The following SMARCC1 variants were observed in gnomAD, a reference collection of about 807,000 sequenced individuals.
SMARCC1 encodes SWI/SNF related BAF chromatin remodeling complex subunit C1.
SMARCC1 carries 43 observed loss-of-function variants against 147.4 expected under a neutral mutation model. That is an observed-to-expected ratio of 0.29 (90% CI 0.23 to 0.38). The LOEUF (loss-of-function observed/expected upper bound fraction) is 0.38. Ranked by LOEUF, SMARCC1 falls within the 10% of genes least tolerant of loss-of-function variation. SMARCC1 has a pLI of 1.00. For missense variants in SMARCC1, 1,119 were observed against 1,381.1 expected (o/e 0.81, Z 3.01); for synonymous variants, 495 against 484.4 (o/e 1.02, Z -0.29).
chr3:47,717,727 T>G (rs1184371154), intron 7 of SMARCC1, among the ~76,000 whole-genome samples: 1 of 151,960 alleles, frequency 6.6e-6, no homozygotes, highest in Non-Finnish European at 1.5e-5. Context: ...TCATCATGAC[T>G]GGCTAATTTT....
In SMARCC1 at chr3:47,588,322, A is replaced by T. The variant is rs746025509; in HGVS notation, c.3221-16T>A. 4 of 1,608,062 alleles carry T rather than the reference A, an allele frequency of 2.5e-6. No homozygotes were observed. The South Asian group carries it at 4.4e-5, about 18-fold the overall frequency. ...GGAGGGGGATCTGCAAACATATCCAAGAGTAACTCGTTATTGCTGGAAATA... is the reference window on the plus strand; with the variant it reads ...GGAGGGGGATCTGCAAACATATCCATGAGTAACTCGTTATTGCTGGAAATA... On this transcript the variant is annotated splice_polypyrimidine_tract_variant and intron_variant, in intron 27 of 27. Transcript: ENST00000254480.
intron 26 of SMARCC1, among the ~76,000 whole-genome samples, chr3:47,595,508 C>A (rs1230306173): frequency 6.6e-6 from 1 of 150,584 alleles, no homozygotes; most frequent in African/African-American, 2.4e-5. Flanking sequence ...GCCTGGGCAA[C>A]AAGAGTGAAA....
At chr3:47,712,551 A>AC (rs2034099567) in intron 8 of SMARCC1, among the ~76,000 whole-genome samples, 1 of 152,176 alleles carries the variant, frequency 6.6e-6, no homozygotes, top group Non-Finnish European at 1.5e-5. Flanking sequence ...CACTATGCTG[A>AC]ACATCTTACA....
At chr3:47,704,195 A>G in intron 10 of SMARCC1, among the ~76,000 whole-genome samples, 1 of 152,314 alleles carries the variant, frequency 6.6e-6, no homozygotes, top group East Asian at 1.9e-4. Flanking sequence ...TGATTTTTTT[A>G]AAAGCCTATA....
intron 26 of SMARCC1, among the ~76,000 whole-genome samples, chr3:47,609,610 T>C (rs2106668379): frequency 6.6e-6 from 1 of 152,344 alleles, no homozygotes; most frequent in South Asian, 2.1e-4. Context: ...ATTTTGAAGC[T>C]GTCCAATAGG....
At chr3:47,727,324 C>T (rs1299183443) in intron 6 of SMARCC1, among the ~76,000 whole-genome samples, 2 of 151,510 alleles carry the variant, frequency 1.3e-5, no homozygotes, top group East Asian at 1.9e-4. Flanking sequence ...CTGGCCAAGA[C>T]GGTGAAACCC....
At chr3:47,662,284 G>A (rs1483452274) in intron 20 of SMARCC1, 50 bp downstream of exon 20, 1 of 1,522,588 alleles carries the variant, frequency 6.6e-7, no homozygotes, top group South Asian at 1.2e-5. Context: ...TATTTAAATT[G>A]GGATAAACTG....
At chr3:47,713,022 T>G (rs748418430) in intron 8 of SMARCC1, among the ~76,000 whole-genome samples, 46 of 152,180 alleles carry the variant, frequency 3.0e-4, no homozygotes, top group Non-Finnish European at 4.9e-4. Flanking sequence ...CCAAAAATAG[T>G]TAAAAACAGA....
intron 21 of SMARCC1, among the ~76,000 whole-genome samples, chr3:47,645,095 CA>C (rs1459961125): frequency 3.3e-5 from 5 of 152,014 alleles, no homozygotes; most frequent in African/African-American, 1.2e-4. Context: ...GAACAGCCTG[CA>C]TAACAAAGTG....
At chr3:47,613,657 C>A (rs1446054664) in intron 25 of SMARCC1, among the ~76,000 whole-genome samples, 1 of 152,126 alleles carries the variant, frequency 6.6e-6, no homozygotes, top group Non-Finnish European at 1.5e-5. Flanking sequence ...CTGGCCAGAA[C>A]TTTTTATTTA....
intron 26 of SMARCC1, among the ~76,000 whole-genome samples, chr3:47,602,021 G>C (rs1022137467): frequency 6.6e-6 from 1 of 151,956 alleles, no homozygotes; most frequent in African/African-American, 2.4e-5. Flanking sequence ...TTTCTTTTTC[G>C]GTGTGGGGTT....
intron 21 of SMARCC1, among the ~76,000 whole-genome samples, chr3:47,641,887 T>C (rs1341678112): frequency 6.6e-6 from 1 of 152,212 alleles, no homozygotes; most frequent in Non-Finnish European, 1.5e-5. Flanking sequence ...TCCACCCGCC[T>C]CAGCCTCTTG....
At chr3:47,729,711 T>C (rs548969858) in intron 5 of SMARCC1, among the ~76,000 whole-genome samples, 1 of 152,296 alleles carries the variant, frequency 6.6e-6, no homozygotes, top group South Asian at 2.1e-4. Flanking sequence ...TTAAAATTAC[T>C]TCCAAAGTCA....
chr3:47,739,465 T>C (rs756130052), intron 3 of SMARCC1, among the ~76,000 whole-genome samples: 7 of 152,122 alleles, frequency 4.6e-5, no homozygotes, highest in African/African-American at 9.7e-5. Context: ...GCTGGGTCCA[T>C]AGGCACCAGC....
intron 8 of SMARCC1, among the ~76,000 whole-genome samples, chr3:47,712,019 G>A: frequency 6.6e-6 from 1 of 152,098 alleles, no homozygotes; most frequent in East Asian, 1.9e-4. Context: ...GATCACCTGA[G>A]GTCGGGAGTT....
intron 2 of SMARCC1, among the ~76,000 whole-genome samples, chr3:47,766,869 T>C (rs2034846491): frequency 1.3e-5 from 2 of 152,118 alleles, no homozygotes; most frequent in Non-Finnish European, 2.9e-5. Flanking sequence ...ACATCCAGCA[T>C]GACTTGGGAA....
chr3:47,591,047 T>G (rs535737592), intron 26 of SMARCC1, among the ~76,000 whole-genome samples: 2 of 152,174 alleles, frequency 1.3e-5, no homozygotes, highest in African/African-American at 2.4e-5. Context: ...GTCTGTGGAA[T>G]GACTGATTAT....
At chr3:47,702,003 A>G (rs189396539) in intron 10 of SMARCC1, among the ~76,000 whole-genome samples, 38 of 152,266 alleles carry the variant, frequency 2.5e-4, no homozygotes, top group Middle Eastern at 3.4e-3. Flanking sequence ...TAAAATAACA[A>G]CTGCTAAGGA....
At chr3:47,735,819 T>C (rs2034435710) in intron 5 of SMARCC1, among the ~76,000 whole-genome samples, 1 of 150,118 alleles carries the variant, frequency 6.7e-6, no homozygotes, top group African/African-American at 2.5e-5. Context: ...TGAGCAAGGA[T>C]GCTAGGATAG....
Sources: gnomAD v4.1 joint callset for allele counts (sites outside exome capture counted in the v4.1 genomes callset) on GRCh38, gnomAD v4.1.1 for gene constraint, MANE v1.5 for transcripts, NCBI Gene and HGNC (gene_info 2026-07-23, HGNC 2026-07-21) for gene names.